The following CCDC85C variants were observed in gnomAD, a reference collection of about 807,000 sequenced individuals.
CCDC85C encodes the protein coiled-coil domain-containing protein 85C.
A neutral mutation model predicts 38.3 loss-of-function variants in CCDC85C; 18 were observed. That is an observed-to-expected ratio of 0.47 (90% CI 0.33 to 0.70). The LOEUF (loss-of-function observed/expected upper bound fraction) is 0.70. Ranked by LOEUF, CCDC85C falls within the 30% of genes least tolerant of loss-of-function variation. CCDC85C has a pLI of 0.03. For missense variants in CCDC85C, 566 were observed against 621.2 expected, an observed-to-expected ratio of 0.91 and a Z score of 0.94; for synonymous variants, 264 against 293.8, an observed-to-expected ratio of 0.90 and a Z score of 1.04.
At chr14:99,519,358 C>T (rs921349338) in intron 3 of CCDC85C, among the ~76,000 whole-genome samples, 3 of 149,706 alleles carry the variant, frequency 2.0e-5, no homozygotes, top group Non-Finnish European at 3.0e-5. Flanking sequence ...CTCAAGCAAT[C>T]CTCCTGTCTT....
intron 1 of CCDC85C, among the ~76,000 whole-genome samples, chr14:99,549,582 A>G (rs146769410): frequency 1.5e-4 from 23 of 152,340 alleles, no homozygotes; most frequent in African/African-American, 5.0e-4. Flanking sequence ...GGAGGCCCAG[A>G]TAACTCAGAG....
At chr14:99,522,514 AAGAGCCAGTG>A (rs11277140) in intron 2 of CCDC85C, 110,201 of 303,280 alleles carry the variant, frequency 0.36, 21,597 homozygotes, top group East Asian at 0.53. Context: ...ATGAATGAAG[AAGAGCCAGTG>A]AGAGCGAGTG....
chr14:99,570,847 C>T (rs541186228), intron 1 of CCDC85C, among the ~76,000 whole-genome samples: 6 of 123,428 alleles, frequency 4.9e-5, no homozygotes, highest in Non-Finnish European at 8.6e-5. Flanking sequence ...AGAGCCGCCC[C>T]GCTGGGTGGG....
In CCDC85C at chr14:99,506,729, C is replaced by T. The variant is rs1473428829; in HGVS notation, c.*8517G>A. Reference sequence around the variant, plus strand: ...GGACCCTTCTTTGTGTCCTCTGTACCAGGGAGGACTCCAGATAGGTCATAC... The same window carrying T: ...GGACCCTTCTTTGTGTCCTCTGTACTAGGGAGGACTCCAGATAGGTCATAC... On this transcript the variant is annotated 3_prime_UTR_variant, in exon 6 of 6. Transcript: ENST00000380243. The T allele has an allele frequency of 3.2e-6, 1 of 312,450 alleles. No homozygotes were observed. The highest frequency in any genetic ancestry group is 3.0e-5 in the South Asian group (1 of 33,256). 19.4% of individuals were successfully genotyped at this position (312,450 alleles called of 1,614,324 possible).
rs141103575 is a variant in CCDC85C, at chr14:99,517,943, G to T, written c.976-760C>A. On this transcript the variant is annotated intron_variant, in intron 3 of 5. Transcript: ENST00000380243. ...AGAGGCTTGGGAGGAACTTACAAGT[G>T]CCCAGAGCCAGACAGAAAACACCCA... Among the ~76,000 whole-genome samples the T allele has an allele frequency of 9.1e-4, 139 of 152,330 alleles. 1 individual carries two copies. The highest frequency in any genetic ancestry group is 3.3e-3 in the African/African-American group (136 of 41,574).
rs982239228 is a variant in CCDC85C at position 99,548,337 on chromosome 14, A to G, written c.794-12249T>C. 3.3e-5 allele frequency among the ~76,000 whole-genome samples: 5 copies of G among 152,190 alleles called. No homozygotes were observed. Among genetic ancestry groups the G allele is most frequent in the Non-Finnish European group, 7.3e-5 (5 of 68,034 alleles). On this transcript the variant is annotated intron_variant, in intron 1 of 5. Coordinates refer to ENST00000380243, the MANE Select transcript of CCDC85C (RefSeq NM_001144995.2). This position sits in a 1 kb window ranked among gnomAD's most constrained non-coding sequence, Gnocchi z 4.9. Reference sequence around the variant, plus strand: ...ACCGCAGGTGTCATCAAGGAAACCCAATTCCGACAATGAGATGCCACTGGA... The same window carrying G: ...ACCGCAGGTGTCATCAAGGAAACCCGATTCCGACAATGAGATGCCACTGGA...
At chr14:99,556,769 C>T (rs544159121) in intron 1 of CCDC85C, among the ~76,000 whole-genome samples, 2 of 152,210 alleles carry the variant, frequency 1.3e-5, no homozygotes, top group Admixed American at 6.5e-5. Context: ...TCAAGCAATC[C>T]GCCTGCCTCA....
intron 1 of CCDC85C, among the ~76,000 whole-genome samples, chr14:99,565,422 C>T (rs1269765207): frequency 6.6e-6 from 1 of 152,230 alleles, no homozygotes; most frequent in Admixed American, 6.5e-5. Context: ...AGCCTTCAAT[C>T]CCTCCCATAA....
intron 1 of CCDC85C, among the ~76,000 whole-genome samples, chr14:99,556,654 G>A (rs1353391874): frequency 6.6e-6 from 1 of 152,064 alleles, no homozygotes; most frequent in African/African-American, 2.4e-5. Flanking sequence ...CTCTCAAAGA[G>A]CTGGAACCAC....
At position 99,603,466 on chromosome 14, in the gene CCDC85C, C is replaced by A; in HGVS notation, c.494G>T (p.Ser165Ile). The A allele has an allele frequency of 7.8e-7, 1 of 1,286,262 alleles. No individual in the cohort carries two copies. The highest frequency in any genetic ancestry group is 9.8e-7 in the Non-Finnish European group (1 of 1,022,778). The allele number at this position is 1,286,262 out of a possible 1,614,324, so 79.7% of individuals were successfully genotyped here. ...GCCGCCCCCGCCGCCGCCGCCACCG[C>A]TTGCGGCCCCCGTCGCCGCCAGTGC... ...RAALAATGAA[S>I]GGGGGGGGAG... The change falls in exon 1 of 6, where the codon AGC becomes ATC. Residue 165 changes from serine to isoleucine, a missense_variant. Physicochemically the swap from Ser to Ile is moderately radical, Grantham distance 142. Coordinates refer to ENST00000380243, the MANE Select transcript of CCDC85C (RefSeq NM_001144995.2). This position sits in a 1 kb window ranked among gnomAD's most constrained non-coding sequence, Gnocchi z 7.5.
intron 2 of CCDC85C, among the ~76,000 whole-genome samples, chr14:99,530,726 G>A (rs2139911496): frequency 6.6e-6 from 1 of 152,358 alleles, no homozygotes; most frequent in East Asian, 1.9e-4. Context: ...CTTCCCAGGG[G>A]CCACATCACA....
Position 99,535,337 on chromosome 14 carries a change from C to T in CCDC85C, c.867+678G>A, listed in dbSNP as rs1198715233. ...GGGGAGCGAGCGGCTTGAGAGGTCG[C>T]CAAGCCAGCTGGCCCCCAACACCCA... On this transcript the variant is annotated intron_variant, in intron 2 of 5. Coordinates refer to ENST00000380243, the MANE Select transcript of CCDC85C (RefSeq NM_001144995.2). The surrounding 1 kb of genome is among the most constrained non-coding windows in gnomAD (Gnocchi z 5.5). Among the ~76,000 whole-genome samples, 1 of 152,176 alleles carries T rather than the reference C, an allele frequency of 6.6e-6. No individual in the cohort carries two copies. Among genetic ancestry groups the T allele is most frequent in the Non-Finnish European group, 1.5e-5 (1 of 68,004 alleles).
intron 1 of CCDC85C, among the ~76,000 whole-genome samples, chr14:99,583,807 T>TAAAA (rs34283477): frequency 8.7e-6 from 1 of 115,152 alleles, no homozygotes; most frequent in Non-Finnish European, 1.8e-5. Flanking sequence ...GGCTCTGTCT[T>TAAAA]AAAAAAAAAA....
chr14:99,602,297 G>T (rs995444227), intron 1 of CCDC85C, among the ~76,000 whole-genome samples: 1 of 152,226 alleles, frequency 6.6e-6, no homozygotes, highest in Non-Finnish European at 1.5e-5. Flanking sequence ...CCTCTGCACT[G>T]GGCGCAGCAG....
Position 99,510,017 on chromosome 14 carries a change from TG to T in CCDC85C, c.*5228del. On this transcript the variant is annotated 3_prime_UTR_variant, in exon 6 of 6. Transcript: ENST00000380243. ...TCTGGTGGCATCAGGACATGGGGCATGGGCCCATGCGTTGGGCCACAGAGGA... is the reference window on the plus strand; with the variant it reads ...TCTGGTGGCATCAGGACATGGGGCATGGCCCATGCGTTGGGCCACAGAGGA... 1 of 776,602 alleles carries T rather than the reference TG, an allele frequency of 1.3e-6. No homozygotes were observed. The highest frequency in any genetic ancestry group is 2.0e-6 in the Non-Finnish European group (1 of 495,278). 48.1% of individuals were successfully genotyped at this position (776,602 alleles called of 1,614,324 possible). A position where few individuals can be genotyped will look rare whatever the true frequency, so the allele number is the denominator to read the frequency against.
At chr14:99,564,434 G>A (rs1898176013) in intron 1 of CCDC85C, among the ~76,000 whole-genome samples, 1 of 152,236 alleles carries the variant, frequency 6.6e-6, no homozygotes, top group Admixed American at 6.5e-5. Context: ...TTGGTCAGCA[G>A]GAGCACGTCC....
chr14:99,541,273 G>A (rs1037852177), intron 1 of CCDC85C, among the ~76,000 whole-genome samples: 1 of 152,178 alleles, frequency 6.6e-6, no homozygotes, highest in Non-Finnish European at 1.5e-5. Context: ...CCTCAGGAGC[G>A]CTCAGCCATG....
At chr14:99,521,692 G>A (rs1171274939) in intron 3 of CCDC85C, among the ~76,000 whole-genome samples, 1 of 152,206 alleles carries the variant, frequency 6.6e-6, no homozygotes, top group African/African-American at 2.4e-5. Flanking sequence ...CTTCCCGGGA[G>A]CTGGCTCCAA....
Position 99,514,866 on chromosome 14 carries a change from G to A in CCDC85C, c.*380C>T, listed in dbSNP as rs1897195811. On this transcript the variant is annotated 3_prime_UTR_variant, in exon 6 of 6. Transcript: ENST00000380243. Reference sequence around the variant, plus strand: ...TGTGGGTGGCAGCCGGGGAGTAGAGGGTTTGATGAGTGGCCCCTCCATCCC... The same window carrying A: ...TGTGGGTGGCAGCCGGGGAGTAGAGAGTTTGATGAGTGGCCCCTCCATCCC... 2 of 181,890 alleles carry A rather than the reference G, an allele frequency of 1.1e-5. No individual in the cohort carries two copies. Among genetic ancestry groups the A allele is most frequent in the Non-Finnish European group, 2.3e-5 (2 of 85,296 alleles). 11.3% of individuals were successfully genotyped at this position (181,890 alleles called of 1,614,324 possible).
Sources: allele counts gnomAD v4.1 joint callset (sites outside exome capture counted in the v4.1 genomes callset), GRCh38; gene constraint gnomAD v4.1.1; non-coding constraint Gnocchi (gnomAD v3.1); transcripts MANE v1.5; gene names NCBI Gene and HGNC (gene_info 2026-07-23, HGNC 2026-07-21).